The following MAD2L1 variants were observed in gnomAD, a reference collection of about 807,000 sequenced individuals.
MAD2L1 encodes the protein mitotic arrest deficient 2 like 1.
In MAD2L1, 10 loss-of-function variants were observed where a neutral mutation model predicts 25.9. That is an observed-to-expected ratio of 0.39 (90% confidence interval 0.24 to 0.66). The LOEUF is 0.66. Among genes scored for constraint, MAD2L1 ranks in the 30% least tolerant of loss-of-function variants. The pLI, the probability that MAD2L1 is intolerant of heterozygous loss-of-function variation, is 0.49. For synonymous variants in MAD2L1, 81 were observed against 91.8 expected (o/e 0.88, Z 0.67); for missense variants, 180 against 246.4 (o/e 0.73, Z 1.80).
chr4:120,056,298 A>G lies in MAD2L1; in HGVS notation c.*3820T>C, dbSNP rs1025888442. On this transcript the variant is annotated 3_prime_UTR_variant, in exon 5 of 5. Transcript: ENST00000296509. ...TCATGTGAAGTGACTAGTAAATAAT[A>G]AATGCTAAGTGTTTATTCCCCTAAT... 6.6e-6 allele frequency: 1 copy of G among 152,218 alleles called. No homozygotes were observed. The highest frequency in any genetic ancestry group is 2.4e-5 in the African/African-American group (1 of 41,448). The allele number at this position is 152,218 out of a possible 1,614,324, so 9.4% of individuals were successfully genotyped here.
rs1157112403 is a variant in MAD2L1, at chr4:120,055,934, T to C, written c.*4184A>G. 5.3e-5 allele frequency: 8 copies of C among 152,168 alleles called. No homozygotes were observed. Among genetic ancestry groups the C allele is most frequent in the Admixed American group, 5.2e-4 (8 of 15,284 alleles). The allele number at this position is 152,168 out of a possible 1,614,324, so 9.4% of individuals were successfully genotyped here. On this transcript the variant is annotated 3_prime_UTR_variant, in exon 5 of 5. Transcript: ENST00000296509. The stretch of plus-strand genomic sequence containing the variant: ...ACAGACTATCTGAGGAAAGTGTAAA[T>C]ACAAAGTCACCCAATAAAACATGAA...
chr4:120,064,499 T>C (rs1191265114), intron 2 of MAD2L1, among the ~76,000 whole-genome samples: 1 of 152,212 alleles, frequency 6.6e-6, no homozygotes. Flanking sequence ...GGGGGTTTGT[T>C]ACTGGCATTT....
At chr4:120,062,218 T>C (rs894871579) in intron 2 of MAD2L1, 123 bp from the exon 3 acceptor site, 8 of 805,422 alleles carry the variant, frequency 9.9e-6, no homozygotes, top group African/African-American at 8.8e-5. Flanking sequence ...CCTCCTCCTA[T>C]GTGCAAGAAA....
In MAD2L1 at chr4:120,055,972, A is replaced by G. The variant is rs1445977614; in HGVS notation, c.*4146T>C. On this transcript the variant is annotated 3_prime_UTR_variant, in exon 5 of 5. Coordinates refer to ENST00000296509, the MANE Select transcript of MAD2L1 (RefSeq NM_002358.4). ...AATAAAACATGAATAAGTTTTGCAA[A>G]GCACAGTAAAGGAAAACCAGTTTGT... is the stretch of plus-strand genomic sequence containing the variant. 6.6e-6 allele frequency: 1 copy of G among 152,232 alleles called. No homozygotes were observed. The highest frequency in any genetic ancestry group is 1.5e-5 in the Non-Finnish European group (1 of 68,032). The allele number at this position is 152,232 out of a possible 1,614,324, so 9.4% of individuals were successfully genotyped here. A position where few individuals can be genotyped will look rare whatever the true frequency, so the allele number is the denominator to read the frequency against.
At position 120,057,459 on chromosome 4, in the gene MAD2L1, G is replaced by T. The variant is rs1235801070; in HGVS notation, c.*2659C>A. On this transcript the variant is annotated 3_prime_UTR_variant, in exon 5 of 5. Coordinates refer to ENST00000296509, the MANE Select transcript of MAD2L1 (RefSeq NM_002358.4). ...CAATACATGAGACTGTTATACCTCT[G>T]CACAAGCATTCTCACAGAGGTTTGA... 1 of 152,240 alleles carries T rather than the reference G, an allele frequency of 6.6e-6. No homozygotes were observed. Among genetic ancestry groups the T allele is most frequent in the African/African-American group, 2.4e-5 (1 of 41,450 alleles). The allele number at this position is 152,240 out of a possible 1,614,324, so 9.4% of individuals were successfully genotyped here. A position where few individuals can be genotyped will look rare whatever the true frequency, so the allele number is the denominator to read the frequency against.
rs761723829 is a variant in MAD2L1, at chr4:120,066,761, G to C, written c.-27C>G. On this transcript the variant is annotated 5_prime_UTR_variant, in exon 1 of 5. Coordinates refer to ENST00000296509, the MANE Select transcript of MAD2L1 (RefSeq NM_002358.4). ...GCCAGGGACACAAACAAAAGCACGC[G>C]CTTCCACTCCGCGGACAGCAACCAC... 3.2e-6 allele frequency: 5 copies of C among 1,561,362 alleles called. No homozygotes were observed. Among genetic ancestry groups the C allele is most frequent in the South Asian group, 2.3e-5 (2 of 88,030 alleles).
chr4:120,061,015 G>T, intron 3 of MAD2L1, 38 bp from the exon 4 acceptor site: 1 of 1,228,320 alleles, frequency 8.1e-7, no homozygotes, highest in Non-Finnish European at 1.2e-6. Flanking sequence ...TTCATTTCAG[G>T]TCTTAACAAA....
intron 2 of MAD2L1, among the ~76,000 whole-genome samples, chr4:120,062,807 G>A (rs1361871314): frequency 6.6e-6 from 1 of 152,176 alleles, no homozygotes; most frequent in East Asian, 1.9e-4. Flanking sequence ...GCCGTGATAC[G>A]GAAAGTGGAC....
intron 2 of MAD2L1, among the ~76,000 whole-genome samples, chr4:120,062,738 T>C (rs1287430315): frequency 6.6e-6 from 1 of 152,212 alleles, no homozygotes; most frequent in Non-Finnish European, 1.5e-5. Flanking sequence ...AGGGAAGTCA[T>C]TACTGTGTGT....
At position 120,065,669 on chromosome 4, in the gene MAD2L1, T is replaced by C. The variant is rs754828974; in HGVS notation, c.220+3A>G. On this transcript the variant is annotated splice_donor_region_variant and intron_variant, in intron 2 of 4. Transcript: ENST00000296509. ...CTCAAATTGTTTCCAATGATTAAAATACCTTTCAGTTGTTCCACCACATTA... is the reference window on the plus strand; with the variant it reads ...CTCAAATTGTTTCCAATGATTAAAACACCTTTCAGTTGTTCCACCACATTA... 2 of 1,612,974 alleles carry C rather than the reference T, an allele frequency of 1.2e-6. No individual in the cohort carries two copies. The highest frequency in any genetic ancestry group is 1.7e-6 in the Non-Finnish European group (2 of 1,179,646).
chr4:120,060,328 C>T lies in MAD2L1; in HGVS notation c.446-38G>A, dbSNP rs1463287184. On this transcript the variant is annotated intron_variant, in intron 4 of 4. Transcript: ENST00000296509. ...TAAGATCATTGAAGTATATTATTTT[C>T]TAAAAGTAAAACTAATCTTGCTGCC... 3 of 1,496,762 alleles carry T rather than the reference C, an allele frequency of 2.0e-6. No homozygotes were observed. In the East Asian group the frequency reaches 7.1e-5, roughly 35 times the overall value. The allele number at this position is 1,496,762 out of a possible 1,614,324, so 92.7% of individuals were successfully genotyped here.
intron 4 of MAD2L1, 106 bp downstream of exon 4, chr4:120,060,768 C>T (rs571427251): frequency 2.9e-6 from 2 of 680,912 alleles, no homozygotes; most frequent in East Asian, 2.8e-5. Context: ...ATTTATATTA[C>T]ATAAATCTGA....
chr4:120,064,867 G>T (rs933993783), intron 2 of MAD2L1, among the ~76,000 whole-genome samples: 2 of 151,442 alleles, frequency 1.3e-5, no homozygotes, highest in Admixed American at 1.3e-4. Flanking sequence ...AACAACAAAA[G>T]AAATAATTTC....
chr4:120,061,856 ATT>A, intron 3 of MAD2L1, 117 bp downstream of exon 3: 1 of 787,312 alleles, frequency 1.3e-6, no homozygotes. Context: ...GAAAATATAA[ATT>A]AGAAACAAAC....
intron 2 of MAD2L1, chr4:120,065,372 A>G: frequency 4.0e-6 from 1 of 248,080 alleles, no homozygotes; most frequent in Non-Finnish European, 7.9e-6. Flanking sequence ...CACCATTATA[A>G]TTATGTAAAA....
In MAD2L1 at chr4:120,056,935, T is replaced by C. The variant is rs964102745; in HGVS notation, c.*3183A>G. ...GACATTCTGTTTGAGATACTATGGATGGAGGCAACAAACGATGTTTTACAA... is the reference window on the plus strand; with the variant it reads ...GACATTCTGTTTGAGATACTATGGACGGAGGCAACAAACGATGTTTTACAA... On this transcript the variant is annotated 3_prime_UTR_variant, in exon 5 of 5. Coordinates refer to ENST00000296509, the MANE Select transcript of MAD2L1 (RefSeq NM_002358.4). The C allele has an allele frequency of 5.9e-5, 9 of 152,178 alleles. No individual in the cohort carries two copies. Among genetic ancestry groups the C allele is most frequent in the Admixed American group, 4.6e-4 (7 of 15,276 alleles). 9.4% of individuals were successfully genotyped at this position (152,178 alleles called of 1,614,324 possible).
chr4:120,066,469 G>C (rs897352422), intron 1 of MAD2L1, among the ~76,000 whole-genome samples, 193 bp downstream of exon 1: 38 of 152,190 alleles, frequency 2.5e-4, no homozygotes, highest in African/African-American at 8.9e-4. Flanking sequence ...GAAACGCTCC[G>C]GAAGAGGCTA....
intron 1 of MAD2L1, 63 bp from the exon 2 acceptor site, chr4:120,065,881 A>C: frequency 6.5e-7 from 1 of 1,532,628 alleles, no homozygotes; most frequent in Non-Finnish European, 9.0e-7. Context: ...AAAATAAAAT[A>C]TATTTAGATG....
chr4:120,061,584 G>A (rs1726218698), intron 3 of MAD2L1, among the ~76,000 whole-genome samples: 1 of 151,980 alleles, frequency 6.6e-6, no homozygotes, highest in African/African-American at 2.4e-5. Flanking sequence ...GGAAGTAGAT[G>A]GCATTAAAGG....
Sources: allele counts gnomAD v4.1 joint callset (sites outside exome capture counted in the v4.1 genomes callset), GRCh38; gene constraint gnomAD v4.1.1; transcripts MANE v1.5; gene names NCBI Gene and HGNC (gene_info 2026-07-23, HGNC 2026-07-21).